LUZP2: variants seen among roughly 807,000 people sequenced by gnomAD.
LUZP2 encodes the protein leucine zipper protein 2.
A neutral mutation model predicts 51.6 loss-of-function variants in LUZP2; 52 were observed. The observed-to-expected ratio is 1.01, with a 90% CI of 0.81 to 1.27. LUZP2 has a LOEUF of 1.27. LUZP2 is among the 50% of genes most tolerant of loss of function. The pLI, the probability that LUZP2 is intolerant of heterozygous loss-of-function variation, is 0.00. For synonymous variants in LUZP2, 154 were observed against 137.3 expected, an observed-to-expected ratio of 1.12 and a Z score of -0.85; for missense variants, 436 against 395.4, an observed-to-expected ratio of 1.10 and a Z score of -0.87.
intron 7 of LUZP2, among the ~76,000 whole-genome samples, chr11:24,923,720 C>A (rs546503488): frequency 6.6e-6 from 1 of 152,090 alleles, no homozygotes; most frequent in East Asian, 1.9e-4. Context: ...CAGGGTGCTC[C>A]CTCTCAATGT....
intron 1 of LUZP2, among the ~76,000 whole-genome samples, chr11:24,626,562 A>T (rs1854690710): frequency 6.6e-6 from 1 of 152,166 alleles, no homozygotes; most frequent in African/African-American, 2.4e-5. Context: ...AGTTGTAAGG[A>T]TGAGATGGGA....
chr11:25,020,304 C>T (rs1857295621), intron 9 of LUZP2, among the ~76,000 whole-genome samples: 2 of 152,086 alleles, frequency 1.3e-5, no homozygotes, highest in Admixed American at 6.6e-5. Context: ...TAAGAAATGT[C>T]TAAGAAAGAC....
chr11:24,904,653 G>A lies in LUZP2; in HGVS notation c.397-1338G>A, dbSNP rs924635446. ...TGATTTGTGTTCTTGGTTTGTTCTA[G>A]ATAGTAACCTTTGTCAGCTGAGTAG... On this transcript the variant is annotated intron_variant, in intron 5 of 11. Coordinates refer to ENST00000336930, the MANE Select transcript of LUZP2 (RefSeq NM_001009909.4). Among the ~76,000 whole-genome samples, 15 of 152,146 alleles carry A rather than the reference G, an allele frequency of 9.9e-5. No individual in the cohort carries two copies. The South Asian group carries it at 3.1e-3, about 32-fold the overall frequency.
chr11:25,044,906 G>C (rs892744705), intron 9 of LUZP2, among the ~76,000 whole-genome samples: 5 of 151,920 alleles, frequency 3.3e-5, no homozygotes, highest in African/African-American at 7.3e-5. Flanking sequence ...CATGTCCTTT[G>C]TAGGGAAATG....
chr11:24,906,586 A>G (rs1009958907), intron 6 of LUZP2, among the ~76,000 whole-genome samples: 4 of 152,144 alleles, frequency 2.6e-5, no homozygotes, highest in African/African-American at 9.6e-5. Flanking sequence ...TCATTTTTCT[A>G]TATTTCTCAT....
At chr11:24,497,354 G>A (rs1241388913) in intron 1 of LUZP2, 49 bp downstream of exon 1, 3 of 1,416,806 alleles carry the variant, frequency 2.1e-6, no homozygotes, top group East Asian at 2.9e-5. Context: ...CTGCCGGGGC[G>A]AGGTTGGTCC....
At chr11:24,922,044 G>A (rs565800122) in intron 7 of LUZP2, among the ~76,000 whole-genome samples, 21 of 151,308 alleles carry the variant, frequency 1.4e-4, no homozygotes, top group African/African-American at 4.9e-4. Context: ...TATCGCCATG[G>A]ATATTAATTA....
intron 1 of LUZP2, among the ~76,000 whole-genome samples, chr11:24,515,425 A>G (rs1355407695): frequency 6.6e-6 from 1 of 152,210 alleles, no homozygotes. Context: ...AATTAATTCA[A>G]TTAATATTCA....
At chr11:24,652,540 CTA>C (rs943805017) in intron 1 of LUZP2, among the ~76,000 whole-genome samples, 2 of 151,938 alleles carry the variant, frequency 1.3e-5, no homozygotes, top group African/African-American at 4.8e-5. Flanking sequence ...ATTTAAGAAA[CTA>C]TGTATATGTC....
At chr11:24,668,490 C>T (rs1856290661) in intron 1 of LUZP2, among the ~76,000 whole-genome samples, 3 of 152,042 alleles carry the variant, frequency 2.0e-5, no homozygotes, top group African/African-American at 7.2e-5. Context: ...AACTAGCAAC[C>T]CTTGTAAAGA....
intron 1 of LUZP2, among the ~76,000 whole-genome samples, chr11:24,656,199 G>A (rs1855797004): frequency 6.6e-6 from 1 of 151,956 alleles, no homozygotes; most frequent in South Asian, 2.1e-4. Flanking sequence ...TAATTGTCTA[G>A]GACAAATACA....
chr11:24,704,019 A>T (rs1210153569), intron 1 of LUZP2, among the ~76,000 whole-genome samples: 2 of 152,238 alleles, frequency 1.3e-5, no homozygotes, highest in Admixed American at 1.3e-4. Flanking sequence ...ACCAACTGAC[A>T]TATTAGAACC....
intron 7 of LUZP2, among the ~76,000 whole-genome samples, chr11:24,920,954 A>G (rs557594393): frequency 6.6e-6 from 1 of 152,316 alleles, no homozygotes; most frequent in East Asian, 1.9e-4. Flanking sequence ...CAAATAAAAA[A>G]GAAAATATTT....
At chr11:24,602,319 T>TAG (rs1853754073) in intron 1 of LUZP2, among the ~76,000 whole-genome samples, 1 of 137,918 alleles carries the variant, frequency 7.3e-6, no homozygotes, top group Admixed American at 7.5e-5. Context: ...CACACATATA[T>TAG]ACACACACAT....
At chr11:24,653,811 G>T (rs1223870336) in intron 1 of LUZP2, among the ~76,000 whole-genome samples, 1 of 152,208 alleles carries the variant, frequency 6.6e-6, no homozygotes, top group African/African-American at 2.4e-5. Flanking sequence ...GTCTACAAAT[G>T]TGTAGGATAC....
intron 4 of LUZP2, among the ~76,000 whole-genome samples, chr11:24,749,069 C>T (rs988392329): frequency 6.6e-6 from 1 of 152,142 alleles, no homozygotes; most frequent in Admixed American, 6.5e-5. Flanking sequence ...TTGACGTTAA[C>T]AAATGTACAT....
intron 5 of LUZP2, among the ~76,000 whole-genome samples, chr11:24,877,121 A>C (rs555808074): frequency 5.1e-4 from 78 of 152,316 alleles, no homozygotes; most frequent in African/African-American, 1.7e-3. Flanking sequence ...TAATACTATA[A>C]TGTGAAGTGC....
chr11:24,910,394 C>A (rs1285337108), intron 6 of LUZP2, among the ~76,000 whole-genome samples: 1 of 152,178 alleles, frequency 6.6e-6, no homozygotes, highest in Non-Finnish European at 1.5e-5. Flanking sequence ...GCAGCCCTTC[C>A]CATCATATGC....
chr11:24,600,289 G>A (rs1445877335), intron 1 of LUZP2, among the ~76,000 whole-genome samples: 6 of 151,888 alleles, frequency 4.0e-5, no homozygotes, highest in African/African-American at 7.3e-5. Context: ...AGCTTAGGCC[G>A]AGATCAGGAT....
Sources: allele counts gnomAD v4.1 joint callset (sites outside exome capture counted in the v4.1 genomes callset), GRCh38; gene constraint gnomAD v4.1.1; transcripts MANE v1.5; gene names NCBI Gene and HGNC (gene_info 2026-07-23, HGNC 2026-07-21).